The following MAGI1 variants were observed in gnomAD, a reference collection of about 807,000 sequenced individuals.
MAGI1 encodes membrane associated guanylate kinase, WW and PDZ domain containing 1, also known as membrane-associated guanylate kinase, WW and PDZ domain-containing protein 1.
MAGI1 carries 58 observed loss-of-function variants against 139.9 expected under a neutral mutation model. The ratio of observed to expected loss-of-function variants is 0.41; its 90% CI spans 0.34 to 0.52. MAGI1 has a LOEUF of 0.52. Among genes scored for constraint, MAGI1 ranks in the 20% least tolerant of loss-of-function variants. The pLI is 0.12. For synonymous variants in MAGI1, 812 were observed against 737.9 expected (o/e 1.10, Z -1.63); for missense variants, 1,874 against 1,901.6 (o/e 0.99, Z 0.27).
At chr3:65,633,220 A>G (rs1464350495) in intron 1 of MAGI1, among the ~76,000 whole-genome samples, 1 of 152,158 alleles carries the variant, frequency 6.6e-6, no homozygotes, top group Non-Finnish European at 1.5e-5. Context: ...CTGCCACCCC[A>G]CTGTGCGGCT....
intron 1 of MAGI1, among the ~76,000 whole-genome samples, chr3:65,879,711 T>C (rs181115431): frequency 8.3e-4 from 126 of 152,304 alleles, no homozygotes; most frequent in African/African-American, 2.7e-3. Context: ...ACCTGGTACA[T>C]AGAAAGGAGC....
chr3:65,807,793 A>G (rs779836606), intron 1 of MAGI1, among the ~76,000 whole-genome samples: 2 of 152,222 alleles, frequency 1.3e-5, no homozygotes, highest in Non-Finnish European at 2.9e-5. Context: ...ACACAACGTG[A>G]TAATCCTCAG....
chr3:65,361,095 C>T, intron 22 of MAGI1, 104 bp downstream of exon 22: 1 of 1,605,672 alleles, frequency 6.2e-7, no homozygotes. Context: ...TGGTAAGACA[C>T]TGGTGAATAG....
intron 1 of MAGI1, among the ~76,000 whole-genome samples, chr3:65,754,904 A>G (rs1425532934): frequency 6.6e-6 from 1 of 152,158 alleles, no homozygotes; most frequent in East Asian, 1.9e-4. Flanking sequence ...GGGCTGGCCA[A>G]TTAAATAACT....
chr3:65,375,720 G>GAA, intron 18 of MAGI1, 25 bp downstream of exon 18: 1 of 1,543,050 alleles, frequency 6.5e-7, no homozygotes, highest in Non-Finnish European at 9.0e-7. Context: ...GAGAGAGAGA[G>GAA]AGAGAGATAA....
At chr3:65,430,626 C>A (rs2107343799) in intron 11 of MAGI1, 73 bp downstream of exon 11, 3 of 1,505,408 alleles carry the variant, frequency 2.0e-6, no homozygotes, top group Middle Eastern at 1.8e-4. Context: ...CAAACAACAT[C>A]ATGATTGCAC....
intron 1 of MAGI1, among the ~76,000 whole-genome samples, chr3:65,978,237 A>G (rs2065364240): frequency 6.6e-6 from 1 of 152,208 alleles, no homozygotes; most frequent in Non-Finnish European, 1.5e-5. Context: ...CCTCTTACAA[A>G]TGAGAAAACT....
intron 2 of MAGI1, among the ~76,000 whole-genome samples, chr3:65,589,034 T>TA (rs745909912): frequency 5.9e-5 from 9 of 152,146 alleles, no homozygotes; most frequent in Non-Finnish European, 8.8e-5. Context: ...ATCTAGGAAG[T>TA]AAAGAGTTTT....
intron 2 of MAGI1, among the ~76,000 whole-genome samples, chr3:65,555,858 AAAAC>A (rs1190022684): frequency 4.6e-5 from 7 of 152,188 alleles, no homozygotes; most frequent in South Asian, 2.1e-4. Flanking sequence ...GTCTCAAAAC[AAAAC>A]AAACAAACAA....
intron 1 of MAGI1, among the ~76,000 whole-genome samples, chr3:65,780,436 C>A (rs1273580590): frequency 1.3e-5 from 2 of 152,126 alleles, no homozygotes; most frequent in Non-Finnish European, 2.9e-5. Context: ...AGCAAAAGTT[C>A]TATAACCACA....
intron 1 of MAGI1, among the ~76,000 whole-genome samples, chr3:65,714,907 A>T (rs1389309053): frequency 6.6e-6 from 1 of 152,148 alleles, no homozygotes; most frequent in Non-Finnish European, 1.5e-5. Context: ...TAGTATAGAT[A>T]TTAATGATGG....
intron 2 of MAGI1, among the ~76,000 whole-genome samples, chr3:65,620,759 G>C (rs1265806578): frequency 1.3e-5 from 2 of 152,214 alleles, no homozygotes; most frequent in African/African-American, 2.4e-5. Flanking sequence ...TCCATGGACA[G>C]AGGCAACCTT....
chr3:65,695,178 A>C (rs774088987), intron 1 of MAGI1, among the ~76,000 whole-genome samples: 1 of 152,232 alleles, frequency 6.6e-6, no homozygotes, highest in African/African-American at 2.4e-5. Flanking sequence ...GGTAGAAAAA[A>C]GAGGGTCAGA....
intron 18 of MAGI1, among the ~76,000 whole-genome samples, chr3:65,374,961 A>G (rs965886356): frequency 6.6e-6 from 1 of 152,180 alleles, no homozygotes; most frequent in East Asian, 1.9e-4. Flanking sequence ...AAACTCTTAG[A>G]TTCTCCCATT....
At chr3:65,913,392 C>A (rs1296072577) in intron 1 of MAGI1, among the ~76,000 whole-genome samples, 3 of 152,132 alleles carry the variant, frequency 2.0e-5, no homozygotes, top group Non-Finnish European at 4.4e-5. Flanking sequence ...CCAACCCCCC[C>A]AAAAAATCCA....
rs1952064609 is a variant in MAGI1 at position 65,491,939 on chromosome 3, C to T, written c.550+1573G>A. ...AGTATGTACAAAGACAATGCTCCTTCCCGTCTTCTCCAAAGAACATCAAAC... is the reference window on the plus strand; with the variant it reads ...AGTATGTACAAAGACAATGCTCCTTTCCGTCTTCTCCAAAGAACATCAAAC... On this transcript the variant is annotated intron_variant, in intron 3 of 22. Coordinates refer to ENST00000402939, the MANE Select transcript of MAGI1 (RefSeq NM_001033057.2). Among the ~76,000 whole-genome samples the T allele has an allele frequency of 2.0e-5, 3 of 152,282 alleles. No homozygotes were observed. The South Asian group carries it at 6.2e-4, about 32-fold the overall frequency.
At chr3:65,582,749 C>T (rs953008351) in intron 2 of MAGI1, among the ~76,000 whole-genome samples, 9 of 152,180 alleles carry the variant, frequency 5.9e-5, no homozygotes, top group African/African-American at 2.2e-4. Context: ...CAGTCATCTA[C>T]TCCAATCACC....
chr3:65,393,384 T>C (rs1399639320), intron 13 of MAGI1, among the ~76,000 whole-genome samples: 1 of 152,162 alleles, frequency 6.6e-6, no homozygotes, highest in Non-Finnish European at 1.5e-5. Context: ...GGGTGGAGTT[T>C]TTCCCTCTTA....
At chr3:65,927,041 G>A (rs1158881327) in intron 1 of MAGI1, among the ~76,000 whole-genome samples, 1 of 152,116 alleles carries the variant, frequency 6.6e-6, no homozygotes, top group Admixed American at 6.6e-5. Flanking sequence ...TGCAGGAATT[G>A]CCCACCCCTT....
Sources: gnomAD v4.1 joint callset for allele counts (sites outside exome capture counted in the v4.1 genomes callset) on GRCh38, gnomAD v4.1.1 for gene constraint, MANE v1.5 for transcripts, NCBI Gene and HGNC (gene_info 2026-07-23, HGNC 2026-07-21) for gene names.